SMKR1: variants seen among roughly 807,000 people sequenced by gnomAD.
SMKR1 encodes small lysine rich protein 1, also known as small lysine-rich protein 1.
Under a neutral mutation model 4.0 loss-of-function variants are expected in SMKR1, and 4 were observed. The observed-to-expected ratio is 1.00, with a 90% CI of 0.49 to 2.30. The LOEUF (loss-of-function observed/expected upper bound fraction) is 2.30, where lower values mean the gene tolerates loss of function less well. Among genes scored for constraint, SMKR1 ranks in the 30% most tolerant of loss-of-function variants. SMKR1 has a pLI of 0.02. For synonymous variants in SMKR1, 38 were observed against 32.5 expected, an observed-to-expected ratio of 1.17 and a Z score of -0.58; for missense variants, 56 against 81.8, an observed-to-expected ratio of 0.68 and a Z score of 1.22.
chr7:129,502,748 G>T lies in SMKR1; in HGVS notation c.-77G>T, dbSNP rs1480948141. 6.5e-7 allele frequency: 1 copy of T among 1,532,038 alleles called. No homozygotes were observed. Among genetic ancestry groups the T allele is most frequent in the Non-Finnish European group, 8.7e-7 (1 of 1,144,290 alleles). The allele number at this position is 1,532,038 out of a possible 1,614,324, so 94.9% of individuals were successfully genotyped here. A position where few individuals can be genotyped will look rare whatever the true frequency, so the allele number is the denominator to read the frequency against. Reference sequence around the variant, plus strand: ...GGTGCTAGGGGAACGGGCGCTGGGGGCAGCGGCCCCGGTGGATGCTAAGGG... The same window carrying T: ...GGTGCTAGGGGAACGGGCGCTGGGGTCAGCGGCCCCGGTGGATGCTAAGGG... On this transcript the variant is annotated 5_prime_UTR_variant, in exon 1 of 2. Coordinates refer to ENST00000462322, the MANE Select transcript of SMKR1 (RefSeq NM_001195243.2).
chr7:129,506,864 C>CTTTTTT (rs149799446), intron 1 of SMKR1, among the ~76,000 whole-genome samples: 3 of 132,256 alleles, frequency 2.3e-5, no homozygotes, highest in African/African-American at 5.7e-5. Flanking sequence ...TCTTTCTTTT[C>CTTTTTT]TTTTTTTTTT....
Position 129,504,818 on chromosome 7 carries a change from C to T in SMKR1, c.3+1991C>T, listed in dbSNP as rs545537267. Among the ~76,000 whole-genome samples the T allele has an allele frequency of 3.9e-5, 6 of 152,168 alleles. No homozygotes were observed. In the South Asian group the frequency reaches 8.3e-4, roughly 21 times the overall value. The stretch of plus-strand genomic sequence containing the variant: ...CACCTGCCTCGGCCTCCCAGAGTGC[C>T]GGGATTACAGGTGTGAACCACCATG... On this transcript the variant is annotated intron_variant, in intron 1 of 1. Coordinates refer to ENST00000462322, the MANE Select transcript of SMKR1 (RefSeq NM_001195243.2).
intron 1 of SMKR1, among the ~76,000 whole-genome samples, chr7:129,507,139 C>T (rs1046160909): frequency 1.3e-5 from 2 of 151,990 alleles, no homozygotes; most frequent in Non-Finnish European, 2.9e-5. Flanking sequence ...CCTCAGCCTC[C>T]CTAGTAGCTG....
chr7:129,504,417 A>G (rs1584984553), intron 1 of SMKR1, among the ~76,000 whole-genome samples: 2 of 151,356 alleles, frequency 1.3e-5, no homozygotes, highest in Non-Finnish European at 2.9e-5. Context: ...GGAATTCCCT[A>G]CTCTCGGCCC....
Position 129,512,181 on chromosome 7 carries a change from T to C in SMKR1, c.4-66T>C, listed in dbSNP as rs1436070237. The C allele has an allele frequency of 3.5e-6, 5 of 1,420,444 alleles. No individual in the cohort carries two copies. The Admixed American group carries it at 1.1e-4, about 31-fold the overall frequency. 88.0% of individuals were successfully genotyped at this position (1,420,444 alleles called of 1,614,324 possible). ...CCTGGGTGTTGGGAGTGAAACCCTG[T>C]CTCAAAAAAAACAAAAACCAAAAAA... On this transcript the variant is annotated intron_variant, in intron 1 of 1. Transcript: ENST00000462322.
chr7:129,509,269 T>C (rs1331086938), intron 1 of SMKR1, among the ~76,000 whole-genome samples: 2 of 152,116 alleles, frequency 1.3e-5, no homozygotes, highest in Non-Finnish European at 2.9e-5. Flanking sequence ...GCCAATATCA[T>C]GCCATTGCAC....
chr7:129,512,306 A>G lies in SMKR1; in HGVS notation c.63A>G (p.Lys21=), dbSNP rs1303582934. 1.3e-6 allele frequency: 2 copies of G among 1,535,538 alleles called. No homozygotes were observed. Among genetic ancestry groups the G allele is most frequent in the East Asian group, 2.4e-5 (1 of 40,844 alleles). Residue 21 remains lysine (K), a synonymous_variant, in exon 2 of 2, where the codon AAA becomes AAG. Coordinates refer to ENST00000462322, the MANE Select transcript of SMKR1 (RefSeq NM_001195243.2). The part of the protein sequence containing the change: ...QGKSHGKKQK[K]PEVDILSPAA... ...AGTCTCATGGGAAGAAACAGAAGAA[A>G]CCAGAAGTGGACATTCTCAGCCCCG...
At chr7:129,508,206 C>A (rs924257133) in intron 1 of SMKR1, among the ~76,000 whole-genome samples, 2 of 152,034 alleles carry the variant, frequency 1.3e-5, no homozygotes, top group Non-Finnish European at 2.9e-5. Flanking sequence ...GGTTGAGGTT[C>A]ATTTTTTTGT....
chr7:129,508,439 T>C (rs1023687824), intron 1 of SMKR1, among the ~76,000 whole-genome samples: 14 of 152,150 alleles, frequency 9.2e-5, no homozygotes, highest in African/African-American at 3.1e-4. Context: ...AATTTTGTTC[T>C]TTTCTTTTTC....
intron 1 of SMKR1, among the ~76,000 whole-genome samples, chr7:129,507,783 C>G (rs1055157455): frequency 6.6e-6 from 1 of 152,168 alleles, no homozygotes; most frequent in Non-Finnish European, 1.5e-5. Context: ...TGTTGAGTAT[C>G]TTTTCATGTG....
chr7:129,506,707 C>CT (rs1036988959), intron 1 of SMKR1, among the ~76,000 whole-genome samples: 4 of 134,254 alleles, frequency 3.0e-5, no homozygotes, highest in African/African-American at 8.3e-5. Flanking sequence ...TTTTTACTGA[C>CT]TTTTTTTACT....
At chr7:129,511,575 A>T (rs896555050) in intron 1 of SMKR1, among the ~76,000 whole-genome samples, 1 of 152,202 alleles carries the variant, frequency 6.6e-6, no homozygotes, top group African/African-American at 2.4e-5. Context: ...AGCTTGTTCA[A>T]ATAAGAATGC....
intron 1 of SMKR1, 91 bp from the exon 2 acceptor site, chr7:129,512,156 C>T: frequency 3.2e-6 from 4 of 1,258,652 alleles, no homozygotes; most frequent in Non-Finnish European, 4.3e-6. Flanking sequence ...TACACTCCAG[C>T]CTGGGTGTTG....
At chr7:129,505,179 G>C (rs912569666) in intron 1 of SMKR1, among the ~76,000 whole-genome samples, 1 of 152,204 alleles carries the variant, frequency 6.6e-6, no homozygotes, top group Non-Finnish European at 1.5e-5. Flanking sequence ...GGGGAATTCA[G>C]TGGTAAATTT....
intron 1 of SMKR1, among the ~76,000 whole-genome samples, chr7:129,506,330 TACTC>T (rs1205529269): frequency 2.6e-5 from 4 of 152,198 alleles, no homozygotes; most frequent in Admixed American, 1.3e-4. Context: ...TAGTCCCAGT[TACTC>T]AGGAGGCTGA....
At position 129,512,584 on chromosome 7, in the gene SMKR1, G is replaced by A. The variant is rs1227562261; in HGVS notation, c.*143G>A. ...AGTGTGCTTTTCTGTGATGGTGGAA[G>A]ATCAGGAAATGCACCTTACTTCCTC... On this transcript the variant is annotated 3_prime_UTR_variant, in exon 2 of 2. Coordinates refer to ENST00000462322, the MANE Select transcript of SMKR1 (RefSeq NM_001195243.2). 1.2e-5 allele frequency: 11 copies of A among 884,138 alleles called. No homozygotes were observed. Among genetic ancestry groups the A allele is most frequent in the Non-Finnish European group, 1.8e-5 (11 of 612,540 alleles). The allele number at this position is 884,138 out of a possible 1,614,324, so 54.8% of individuals were successfully genotyped here.
chr7:129,510,415 A>G (rs1799513746), intron 1 of SMKR1, among the ~76,000 whole-genome samples: 1 of 152,206 alleles, frequency 6.6e-6, no homozygotes, highest in Non-Finnish European at 1.5e-5. Flanking sequence ...ATAGAAATAC[A>G]GCTCTGAGTG....
rs532609624 is a variant in SMKR1 at position 129,506,927 on chromosome 7, G to A, written c.3+4100G>A. Among the ~76,000 whole-genome samples the A allele has an allele frequency of 7.0e-5, 10 of 143,086 alleles. 1 individual carries two copies. The highest frequency in any genetic ancestry group is 1.8e-4 in the African/African-American group (7 of 38,380). 93.9% of individuals were successfully genotyped at this position (143,086 alleles called of 152,430 possible). A position where few individuals can be genotyped will look rare whatever the true frequency, so the allele number is the denominator to read the frequency against. On this transcript the variant is annotated intron_variant, in intron 1 of 1. Coordinates refer to ENST00000462322, the MANE Select transcript of SMKR1 (RefSeq NM_001195243.2). ...CAGGCTGGAATGCAGCAACTTGATCGTGGCTCACCACAGCCTTAACTTCCC... is the reference window on the plus strand; with the variant it reads ...CAGGCTGGAATGCAGCAACTTGATCATGGCTCACCACAGCCTTAACTTCCC...
intron 1 of SMKR1, among the ~76,000 whole-genome samples, chr7:129,506,864 C>CTTTT (rs149799446): frequency 1.5e-5 from 2 of 132,258 alleles, no homozygotes; most frequent in Admixed American, 8.0e-5. Flanking sequence ...TCTTTCTTTT[C>CTTTT]TTTTTTTTTT....
Sources: gnomAD v4.1 joint callset for allele counts (sites outside exome capture counted in the v4.1 genomes callset) on GRCh38, gnomAD v4.1.1 for gene constraint, MANE v1.5 for transcripts, NCBI Gene and HGNC (gene_info 2026-07-23, HGNC 2026-07-21) for gene names.